The following INTS2 variants were observed in gnomAD, a reference collection of about 807,000 sequenced individuals.
INTS2 encodes integrator complex subunit 2.
In INTS2, 57 loss-of-function variants were observed where a neutral mutation model predicts 139.6. That is an observed-to-expected ratio of 0.41 (90% CI 0.33 to 0.51). INTS2 has a LOEUF of 0.51. Among genes scored for constraint, INTS2 ranks in the 20% least tolerant of loss-of-function variants. INTS2 has a pLI of 0.28. For synonymous variants in INTS2, 473 were observed against 493.4 expected, an observed-to-expected ratio of 0.96 and a Z score of 0.55; for missense variants, 1,196 against 1,436.7, an observed-to-expected ratio of 0.83 and a Z score of 2.71.
chr17:61,919,380 C>A lies in INTS2; in HGVS notation c.649+20G>T. On this transcript the variant is annotated intron_variant, in intron 5 of 24. Transcript: ENST00000251334. ...GTCCAAGCAAGTCTTTTCAATATAC[C>A]ATATTAGAATCATATTTACCTTCAT... The A allele has an allele frequency of 8.1e-7, 1 of 1,228,468 alleles. No homozygotes were observed. Among genetic ancestry groups the A allele is most frequent in the South Asian group, 1.3e-5 (1 of 77,880 alleles). The allele number at this position is 1,228,468 out of a possible 1,614,324, so 76.1% of individuals were successfully genotyped here.
chr17:61,866,331 T>A lies in INTS2; in HGVS notation c.*1226A>T. On this transcript the variant is annotated 3_prime_UTR_variant, in exon 25 of 25. Transcript: ENST00000251334. ...AAGATCATCCCACTGCACTCCAGCC[T>A]GGGCAACAGGGGAAGACTCCACCTC... 1 of 141,298 alleles carries A rather than the reference T, an allele frequency of 7.1e-6. No homozygotes were observed. The highest frequency in any genetic ancestry group is 1.5e-5 in the Non-Finnish European group (1 of 66,298). 8.8% of individuals were successfully genotyped at this position (141,298 alleles called of 1,614,324 possible). A position where few individuals can be genotyped will look rare whatever the true frequency, so the allele number is the denominator to read the frequency against.
intron 17 of INTS2, among the ~76,000 whole-genome samples, chr17:61,879,360 T>C (rs1353003794): frequency 1.3e-5 from 2 of 152,180 alleles, no homozygotes; most frequent in Non-Finnish European, 2.9e-5. Flanking sequence ...AGAAGATTGC[T>C]GTTACTAAAA....
intron 4 of INTS2, among the ~76,000 whole-genome samples, chr17:61,921,044 C>G (rs2079636126): frequency 6.6e-6 from 1 of 152,204 alleles, no homozygotes; most frequent in Non-Finnish European, 1.5e-5. Context: ...CTCGGCCTCC[C>G]AAAGTGCTGG....
Position 61,909,207 on chromosome 17 carries a change from G to A in INTS2, c.955-1573C>T, listed in dbSNP as rs2079497510. On this transcript the variant is annotated intron_variant, in intron 7 of 24. Coordinates refer to ENST00000251334, the MANE Select transcript of INTS2 (RefSeq NM_001351695.2). This position sits in a 1 kb window ranked among gnomAD's most constrained non-coding sequence, Gnocchi z 4.9. ...GCTCACTGCAACCTCTGCCTCCCAT[G>A]TTCAAGCGATTCTCCTGCCTCAGCC... Among the ~76,000 whole-genome samples the A allele has an allele frequency of 6.6e-6, 1 of 152,048 alleles. No individual in the cohort carries two copies. The highest frequency in any genetic ancestry group is 1.5e-5 in the Non-Finnish European group (1 of 68,028).
In INTS2 at chr17:61,866,402, G is replaced by A. The variant is rs2145893794; in HGVS notation, c.*1155C>T. ...ACAAGTGAAGAGGTCTGTTTCAAGT[G>A]GGGGTGGGGAAGTGTGTGATTGAGG... On this transcript the variant is annotated 3_prime_UTR_variant, in exon 25 of 25. Coordinates refer to ENST00000251334, the MANE Select transcript of INTS2 (RefSeq NM_001351695.2). 6.6e-6 allele frequency: 1 copy of A among 151,680 alleles called. No individual in the cohort carries two copies. The highest frequency in any genetic ancestry group is 1.9e-4 in the East Asian group (1 of 5,160). 9.4% of individuals were successfully genotyped at this position (151,680 alleles called of 1,614,324 possible). A position where few individuals can be genotyped will look rare whatever the true frequency, so the allele number is the denominator to read the frequency against.
rs1165359495 is a variant in INTS2 at position 61,871,409 on chromosome 17, A to C, written c.2778+856T>G. Among the ~76,000 whole-genome samples, 1 of 152,170 alleles carries C rather than the reference A, an allele frequency of 6.6e-6. No individual in the cohort carries two copies. The highest frequency in any genetic ancestry group is 2.4e-5 in the African/African-American group (1 of 41,430). The stretch of plus-strand genomic sequence containing the variant: ...AGTGCTGGGATTATAGGCATGAGCA[A>C]CCATGCCTGGCCAAAAAACTTTTCT... On this transcript the variant is annotated intron_variant, in intron 20 of 24. Transcript: ENST00000251334. This position sits in a 1 kb window ranked among gnomAD's most constrained non-coding sequence, Gnocchi z 4.9.
Position 61,867,359 on chromosome 17 carries a change from A to T in INTS2, c.*198T>A. 1 of 381,446 alleles carries T rather than the reference A, an allele frequency of 2.6e-6. No individual in the cohort carries two copies. Among genetic ancestry groups the T allele is most frequent in the Non-Finnish European group, 4.7e-6 (1 of 214,730 alleles). 23.6% of individuals were successfully genotyped at this position (381,446 alleles called of 1,614,324 possible). On this transcript the variant is annotated 3_prime_UTR_variant, in exon 25 of 25. Coordinates refer to ENST00000251334, the MANE Select transcript of INTS2 (RefSeq NM_001351695.2). The surrounding 1 kb of genome is among the most constrained non-coding windows in gnomAD (Gnocchi z 5.6). ...TACAATAGAAACATATCAGCAAAGTAGATCCAAAGATGTGCCAATCAGAAA... is the reference window on the plus strand; with the variant it reads ...TACAATAGAAACATATCAGCAAAGTTGATCCAAAGATGTGCCAATCAGAAA...
Position 61,872,215 on chromosome 17 carries a change from T to C in INTS2, c.2778+50A>G, listed in dbSNP as rs370271458. On this transcript the variant is annotated intron_variant, in intron 20 of 24. Coordinates refer to ENST00000251334, the MANE Select transcript of INTS2 (RefSeq NM_001351695.2). The surrounding 1 kb of genome is among the most constrained non-coding windows in gnomAD (Gnocchi z 4.8). ...CCATCTATTGAACTGATTATACTAG[T>C]AGAGAAGCCCTTGCTCTTTTTGACT... 3 of 1,328,358 alleles carry C rather than the reference T, an allele frequency of 2.3e-6. No individual in the cohort carries two copies. The highest frequency in any genetic ancestry group is 3.2e-6 in the Non-Finnish European group (3 of 937,964). The allele number at this position is 1,328,358 out of a possible 1,614,324, so 82.3% of individuals were successfully genotyped here. A position where few individuals can be genotyped will look rare whatever the true frequency, so the allele number is the denominator to read the frequency against.
intron 9 of INTS2, among the ~76,000 whole-genome samples, chr17:61,901,896 C>G (rs2079410756): frequency 6.6e-6 from 1 of 152,028 alleles, no homozygotes; most frequent in East Asian, 1.9e-4. Flanking sequence ...GTGTGCCTGG[C>G]CATTTTGCTC....
At chr17:61,919,027 C>T (rs1022372619) in intron 5 of INTS2, among the ~76,000 whole-genome samples, 2 of 150,976 alleles carry the variant, frequency 1.3e-5, no homozygotes, top group African/African-American at 2.4e-5. Flanking sequence ...CAGGTTCAAG[C>T]GATTCTTCTG....
chr17:61,867,933 A>G lies in INTS2; in HGVS notation c.3321T>C (p.Pro1107=), dbSNP rs767667151. Residue 1107 remains proline, a synonymous_variant, in exon 24 of 25, where the codon CCT becomes CCC. Coordinates refer to ENST00000251334, the MANE Select transcript of INTS2 (RefSeq NM_001351695.2). The surrounding 1 kb of genome is among the most constrained non-coding windows in gnomAD (Gnocchi z 5.6). Reference sequence around the variant, plus strand: ...AAGACATAATATCCTCATACAATGGAGGAAATGCTCGACAAAAAGAGACCA... The same window carrying G: ...AAGACATAATATCCTCATACAATGGGGGAAATGCTCGACAAAAAGAGACCA... ...PSLVSFCRAF[P]PLYEDIMSLL... The G allele has an allele frequency of 6.2e-7, 1 of 1,613,152 alleles. No homozygotes were observed. Among genetic ancestry groups the G allele is most frequent in the East Asian group, 2.2e-5 (1 of 44,872 alleles).
intron 15 of INTS2, among the ~76,000 whole-genome samples, chr17:61,889,091 C>CTT (rs577423232): frequency 3.3e-4 from 46 of 140,564 alleles, no homozygotes; most frequent in East Asian, 1.5e-3. Flanking sequence ...AACTCTTCTA[C>CTT]TTTTTTTTTT....
In INTS2 at chr17:61,873,866, T is replaced by C. The variant is rs765903647; in HGVS notation, c.2582+1047A>G. On this transcript the variant is annotated intron_variant, in intron 19 of 24. Transcript: ENST00000251334. The surrounding 1 kb of genome is among the most constrained non-coding windows in gnomAD (Gnocchi z 4.0). ...TATAACCCCAACCACATTAGCCTAA[T>C]ATTCAAGGCCCTCGATAGCCTGACC... Among the ~76,000 whole-genome samples the C allele has an allele frequency of 1.3e-5, 2 of 152,302 alleles. No individual in the cohort carries two copies. The highest frequency in any genetic ancestry group is 2.9e-5 in the Non-Finnish European group (2 of 68,018).
intron 7 of INTS2, 49 bp downstream of exon 7, chr17:61,911,471 G>A (rs756170591): frequency 2.0e-6 from 3 of 1,471,142 alleles, no homozygotes; most frequent in Non-Finnish European, 1.8e-6. Flanking sequence ...TCTTTTAGCA[G>A]CTGCTAAAGT....
Position 61,872,156 on chromosome 17 carries a change from A to G in INTS2, c.2778+109T>C. 1.8e-6 allele frequency: 1 copy of G among 566,808 alleles called. No homozygotes were observed. The highest frequency in any genetic ancestry group is 3.1e-6 in the Non-Finnish European group (1 of 325,374). 35.1% of individuals were successfully genotyped at this position (566,808 alleles called of 1,614,324 possible). Reference sequence around the variant, plus strand: ...GATTCTATAATAAAAGAAATGCACAATATGTCACCAATGTACATGGAGCGC... The same window carrying G: ...GATTCTATAATAAAAGAAATGCACAGTATGTCACCAATGTACATGGAGCGC... On this transcript the variant is annotated intron_variant, in intron 20 of 24. Coordinates refer to ENST00000251334, the MANE Select transcript of INTS2 (RefSeq NM_001351695.2). The surrounding 1 kb of genome is among the most constrained non-coding windows in gnomAD (Gnocchi z 4.8).
Position 61,895,373 on chromosome 17 carries a change from T to A in INTS2, c.1505A>T (p.Lys502Met). 6.4e-7 allele frequency: 1 copy of A among 1,571,210 alleles called. No individual in the cohort carries two copies. Among genetic ancestry groups the A allele is most frequent in the Non-Finnish European group, 8.6e-7 (1 of 1,162,702 alleles). Residue 502 changes from lysine to methionine, a missense_variant, in exon 12 of 25, where the codon AAG becomes ATG. Physicochemically the swap from Lys to Met is moderately conservative, Grantham distance 95. This residue lies in a region of INTS2 where 1,129 missense variants were observed against 1,341.9 expected (regional missense o/e 0.84). Transcript: ENST00000251334. ...CTTCATCCTGCTCAAGGAGCTTGGC[T>A]TAATTACAATCTAAAATTACCAAAA... The part of the protein sequence containing the change: ...CSTLGMKIVI[K>M]PSSLSRMKTI...
intron 7 of INTS2, among the ~76,000 whole-genome samples, chr17:61,908,866 CTA>C (rs1210745517): frequency 7.0e-6 from 1 of 143,296 alleles, no homozygotes; most frequent in Non-Finnish European, 1.6e-5. Flanking sequence ...TTTTAAAAAA[CTA>C]TGATTCAGTA....
Position 61,925,098 on chromosome 17 carries a change from G to T in INTS2, c.295C>A (p.His99Asn). The T allele has an allele frequency of 6.2e-7, 1 of 1,612,508 alleles. No homozygotes were observed. The change falls in exon 3 of 25, where the codon CAT (histidine) becomes AAT (asparagine). Residue 99 changes from histidine (H) to asparagine (N), a missense_variant and splice_region_variant. By Grantham distance (68) the His-to-Asn change is moderately conservative (BLOSUM62 1). Coordinates refer to ENST00000251334, the MANE Select transcript of INTS2 (RefSeq NM_001351695.2). Reference sequence around the variant, plus strand: ...TCTCCACTGCCTCCTCCAAGTTTATGCCTAATGAAGTACAAAACATGTAAC... The same window carrying T: ...TCTCCACTGCCTCCTCCAAGTTTATTCCTAATGAAGTACAAAACATGTAAC... ...QDASKEQQLR[H>N]KLGGGSGESI...
At position 61,869,819 on chromosome 17, in the gene INTS2, C is replaced by T; in HGVS notation, c.2948G>A (p.Arg983Gln). 6.2e-7 allele frequency: 1 copy of T among 1,613,846 alleles called. No homozygotes were observed. Among genetic ancestry groups the T allele is most frequent in the Non-Finnish European group, 8.5e-7 (1 of 1,179,782 alleles). The change falls in exon 21 of 25, where the codon CGA becomes CAA. Residue 983 changes from arginine to glutamine, a missense_variant. Around this residue, in one of 3 missense-constraint regions of INTS2, gnomAD observed 1,129 missense variants for 1,341.9 expected, o/e 0.84. Coordinates refer to ENST00000251334, the MANE Select transcript of INTS2 (RefSeq NM_001351695.2). The surrounding 1 kb of genome is among the most constrained non-coding windows in gnomAD (Gnocchi z 5.4). ...EGEDNLLCNL[R>Q]EVQCLICCLL... ...ACAACAGATAAGGCACTGAACTTCT[C>T]GAAGGTTACAGAGCAAATTGTCTTC...
Sources: allele counts gnomAD v4.1 joint callset (sites outside exome capture counted in the v4.1 genomes callset), GRCh38; gene constraint gnomAD v4.1.1; regional missense constraint gnomAD v4.1.1; non-coding constraint Gnocchi (gnomAD v3.1); transcripts MANE v1.5; gene names NCBI Gene and HGNC (gene_info 2026-07-23, HGNC 2026-07-21).